The following IL1RAPL2 variants were observed in gnomAD, a reference collection of about 807,000 sequenced individuals.
IL1RAPL2 encodes X-linked interleukin-1 receptor accessory protein-like 2.
Under a neutral mutation model 44.1 loss-of-function variants are expected in IL1RAPL2, and 3 were observed. The observed-to-expected ratio is 0.07, with a 90% CI of 0.03 to 0.18. The LOEUF (loss-of-function observed/expected upper bound fraction) is 0.18. Among genes scored for constraint, IL1RAPL2 ranks in the 10% least tolerant of loss-of-function variants. The pLI, the probability that IL1RAPL2 is intolerant of heterozygous loss-of-function variation, is 1.00. For synonymous variants in IL1RAPL2, 181 were observed against 178.8 expected (o/e 1.01, Z -0.10); for missense variants, 391 against 496.4 (o/e 0.79, Z 2.02).
At chrX:104,873,940 A>T (rs967362851) in intron 2 of IL1RAPL2, among the ~76,000 whole-genome samples, 7 of 111,162 alleles carry the variant, frequency 6.3e-5, no homozygotes, top group African/African-American at 2.3e-4. Context: ...TATGATAAGG[A>T]TTATCATAAT....
At chrX:105,690,291 A>G (rs745895770) in intron 6 of IL1RAPL2, among the ~76,000 whole-genome samples, 105 of 111,699 alleles carry the variant, frequency 9.4e-4, no homozygotes, top group African/African-American at 3.2e-3. Context: ...TTATCTAAAG[A>G]TCTTGGAAAT....
At chrX:105,190,643 G>A in intron 2 of IL1RAPL2, among the ~76,000 whole-genome samples, 1 of 111,163 alleles carries the variant, frequency 9.0e-6, no homozygotes, top group East Asian at 2.8e-4. Flanking sequence ...TACCTAACAA[G>A]GGATTTCCAA....
intron 6 of IL1RAPL2, among the ~76,000 whole-genome samples, chrX:105,571,496 G>C (rs2037013971): frequency 1.8e-5 from 2 of 110,876 alleles, no homozygotes; most frequent in South Asian, 7.7e-4. Flanking sequence ...GTAGTCCAGA[G>C]CTGATACAGT....
rs758255791 is a variant in IL1RAPL2, at chrX:104,614,755, C to T, written c.-19-44140C>T. On this transcript the variant is annotated intron_variant, in intron 1 of 10. Coordinates refer to ENST00000372582, the MANE Select transcript of IL1RAPL2 (RefSeq NM_017416.2). The stretch of plus-strand genomic sequence containing the variant: ...TTTAGTCTTCTTGTTGAATTGAACC[C>T]TTTATCAATACTGTTGTTGGTTTAA... Among the ~76,000 whole-genome samples, 5 of 111,918 alleles carry T rather than the reference C, an allele frequency of 4.5e-5. No individual in the cohort carries two copies. In the South Asian group the frequency reaches 1.9e-3, roughly 42 times the overall value.
intron 2 of IL1RAPL2, among the ~76,000 whole-genome samples, chrX:104,703,886 T>C (rs1288829261): frequency 3.6e-5 from 4 of 112,173 alleles, no homozygotes; most frequent in African/African-American, 1.3e-4. Context: ...TGCTAGGATG[T>C]CAATCTCATG....
At chrX:105,104,103 G>C (rs757675775) in intron 2 of IL1RAPL2, among the ~76,000 whole-genome samples, 1 of 111,277 alleles carries the variant, frequency 9.0e-6, no homozygotes, top group Non-Finnish European at 1.9e-5. Flanking sequence ...CTTCATTAGT[G>C]GGTTCTAGTT....
At chrX:105,350,011 C>A (rs749830001) in intron 5 of IL1RAPL2, among the ~76,000 whole-genome samples, 7 of 112,242 alleles carry the variant, frequency 6.2e-5, no homozygotes, top group African/African-American at 2.3e-4. Context: ...GCTGTCAGCC[C>A]TACCAGAATA....
At chrX:104,637,226 G>T (rs1305766057) in intron 1 of IL1RAPL2, among the ~76,000 whole-genome samples, 1 of 111,033 alleles carries the variant, frequency 9.0e-6, no homozygotes, top group Admixed American at 9.6e-5. Context: ...TAGTTTTTTG[G>T]TAGAGTCTTT....
At chrX:105,292,653 A>G (rs751364556) in intron 5 of IL1RAPL2, among the ~76,000 whole-genome samples, 1 of 112,023 alleles carries the variant, frequency 8.9e-6, no homozygotes, top group Non-Finnish European at 1.9e-5. Context: ...TTTGCAAAAT[A>G]TAGTTTCTGT....
intron 2 of IL1RAPL2, among the ~76,000 whole-genome samples, chrX:105,037,392 G>C (rs950106727): frequency 9.0e-6 from 1 of 111,195 alleles, no homozygotes; most frequent in African/African-American, 3.3e-5. Flanking sequence ...AAAAAGGGTT[G>C]GGTAGTTACA....
At chrX:104,779,457 A>G (rs1352298862) in intron 2 of IL1RAPL2, among the ~76,000 whole-genome samples, 63 of 112,320 alleles carry the variant, frequency 5.6e-4, no homozygotes, top group Non-Finnish European at 1.1e-4. Flanking sequence ...GAAAAGAGGT[A>G]CACAAGATGA....
chrX:104,759,093 T>A (rs1188479578), intron 2 of IL1RAPL2, among the ~76,000 whole-genome samples: 3 of 112,610 alleles, frequency 2.7e-5, no homozygotes, highest in African/African-American at 9.7e-5. Flanking sequence ...ATAGCAAAGA[T>A]TGAGTCCTAA....
In IL1RAPL2 at chrX:104,684,434, A is replaced by G. The variant is rs183025019; in HGVS notation, c.82+25439A>G. Among the ~76,000 whole-genome samples the G allele has an allele frequency of 3.5e-4, 39 of 111,671 alleles. No homozygotes were observed. The East Asian group carries it at 0.011, about 30-fold the overall frequency. On this transcript the variant is annotated intron_variant, in intron 2 of 10. Coordinates refer to ENST00000372582, the MANE Select transcript of IL1RAPL2 (RefSeq NM_017416.2). ...TGCAGAGGTGCAGGGAACCAACATC[A>G]ATTTTCTAAAACCCCTAATGTACAT...
intron 2 of IL1RAPL2, among the ~76,000 whole-genome samples, chrX:105,031,132 G>A (rs1185413469): frequency 9.1e-6 from 1 of 110,401 alleles, no homozygotes; most frequent in East Asian, 2.8e-4. Flanking sequence ...ATCAGCTTGA[G>A]GAGATTTTGG....
chrX:105,456,252 C>T (rs749410760), intron 5 of IL1RAPL2, among the ~76,000 whole-genome samples: 3 of 111,826 alleles, frequency 2.7e-5, no homozygotes, highest in Non-Finnish European at 3.8e-5. Context: ...CATATAAGAC[C>T]ATGTCATCTG....
chrX:105,767,472 G>A lies in IL1RAPL2; in HGVS notation c.1872G>A (p.Glu624=). The A allele has an allele frequency of 8.3e-7, 1 of 1,211,304 alleles. No homozygotes were observed. Among genetic ancestry groups the A allele is most frequent in the Non-Finnish European group, 1.1e-6 (1 of 895,428 alleles). Residue 624 remains glutamate, a synonymous_variant, in exon 11 of 11, where the codon GAG becomes GAA. Coordinates refer to ENST00000372582, the MANE Select transcript of IL1RAPL2 (RefSeq NM_017416.2). The stretch of plus-strand genomic sequence containing the variant: ...ACTGTTGCAGAGGTTATAAACATGA[G>A]ATACCAGCCACGACCTTGCCAGTAC... The part of the protein sequence containing the change: ...IRHCCRGYKH[E]IPATTLPVPS...
At chrX:105,069,672 A>T (rs1320257019) in intron 2 of IL1RAPL2, among the ~76,000 whole-genome samples, 1 of 112,475 alleles carries the variant, frequency 8.9e-6, no homozygotes, top group Non-Finnish European at 1.9e-5. Flanking sequence ...TAGAAAAAAA[A>T]GTAAGGGATA....
chrX:105,307,647 A>G (rs1238577937), intron 5 of IL1RAPL2, among the ~76,000 whole-genome samples: 2 of 62,342 alleles, frequency 3.2e-5, no homozygotes, highest in Non-Finnish European at 5.2e-5. Context: ...TATATAATAT[A>G]TATTTTCTAT....
Position 105,754,537 on chromosome X carries a change from G to A in IL1RAPL2, c.1193-640G>A, listed in dbSNP as rs563064707. ...TTTGAAACAAAGGCTTCTTTTGGAAGCTTGTGTCATATTAGTTGGCCATGA... is the reference window on the plus strand; with the variant it reads ...TTTGAAACAAAGGCTTCTTTTGGAAACTTGTGTCATATTAGTTGGCCATGA... On this transcript the variant is annotated intron_variant, in intron 9 of 10. Coordinates refer to ENST00000372582, the MANE Select transcript of IL1RAPL2 (RefSeq NM_017416.2). Among the ~76,000 whole-genome samples the A allele has an allele frequency of 4.6e-4, 52 of 112,700 alleles. No homozygotes were observed. In the South Asian group the frequency reaches 0.019, roughly 40 times the overall value.
Sources: gnomAD v4.1 joint callset for allele counts (sites outside exome capture counted in the v4.1 genomes callset) on GRCh38, gnomAD v4.1.1 for gene constraint, MANE v1.5 for transcripts, NCBI Gene and HGNC (gene_info 2026-07-23, HGNC 2026-07-21) for gene names.